FBN1: variants seen among roughly 807,000 people sequenced by gnomAD.
FBN1 encodes the protein fibrillin 1.
Under a neutral mutation model 365.1 loss-of-function variants are expected in FBN1, and 29 were observed. The observed-to-expected ratio is 0.08, with a 90% CI of 0.06 to 0.11. The LOEUF (loss-of-function observed/expected upper bound fraction) is 0.11. Among genes scored for constraint, FBN1 ranks in the 10% least tolerant of loss-of-function variants. The pLI is 1.00. For missense variants in FBN1, 2,476 were observed against 3,703.2 expected (o/e 0.67, Z 8.60); for synonymous variants, 1,210 against 1,270.5 (o/e 0.95, Z 1.01).
At chr15:48,559,598 A>G (rs2044208747) in intron 6 of FBN1, among the ~76,000 whole-genome samples, 1 of 152,146 alleles carries the variant, frequency 6.6e-6, no homozygotes, top group Non-Finnish European at 1.5e-5. Context: ...TATGTGAACT[A>G]AGGAAACAGT....
At chr15:48,596,692 GC>G (rs1484356226) in intron 5 of FBN1, among the ~76,000 whole-genome samples, 1 of 152,238 alleles carries the variant, frequency 6.6e-6, no homozygotes, top group Non-Finnish European at 1.5e-5. Context: ...CTGTGTGTTA[GC>G]AAAGACTCTT....
At position 48,597,633 on chromosome 15, in the gene FBN1, C is replaced by A. The variant is rs529771704; in HGVS notation, c.443-1255G>T. ...AATAAATTCTCTTTTATGTCTAATT[C>A]TGTCTTGATATTTTCTTGGCATAAG... is the stretch of plus-strand genomic sequence containing the variant. On this transcript the variant is annotated intron_variant, in intron 5 of 65. Transcript: ENST00000316623. Among the ~76,000 whole-genome samples the A allele has an allele frequency of 3.9e-5, 6 of 152,240 alleles. No homozygotes were observed. In the South Asian group the frequency reaches 1.0e-3, roughly 26 times the overall value.
At chr15:48,441,653 T>C (rs2043115843) in intron 50 of FBN1, 68 bp downstream of exon 50, 3 of 1,598,266 alleles carry the variant, frequency 1.9e-6, no homozygotes, top group South Asian at 1.1e-5. Context: ...CTTTGCCATG[T>C]TTGAAAAATA....
chr15:48,637,768 T>C (rs972320012), intron 2 of FBN1, among the ~76,000 whole-genome samples: 2 of 152,186 alleles, frequency 1.3e-5, no homozygotes, highest in African/African-American at 2.4e-5. Context: ...ACAAGCAAGA[T>C]CTCTGCCTTC....
chr15:48,590,404 G>C (rs1415060621), intron 6 of FBN1, among the ~76,000 whole-genome samples: 1 of 152,164 alleles, frequency 6.6e-6, no homozygotes, highest in Non-Finnish European at 1.5e-5. Context: ...CCATTCACTA[G>C]ACACAGTATA....
intron 6 of FBN1, among the ~76,000 whole-genome samples, chr15:48,565,214 T>C (rs2044251339): frequency 1.3e-5 from 2 of 152,172 alleles, no homozygotes; most frequent in South Asian, 4.1e-4. Context: ...AAGTGCATCA[T>C]ACATATTAAA....
At chr15:48,496,327 A>G (rs891438097) in intron 19 of FBN1, 102 bp from the exon 20 acceptor site, 3 of 1,487,310 alleles carry the variant, frequency 2.0e-6, no homozygotes, top group Middle Eastern at 1.8e-4. Flanking sequence ...CGACGTGATC[A>G]ATTCAAGCAA....
chr15:48,640,498 T>C (rs1038532202), intron 2 of FBN1, among the ~76,000 whole-genome samples: 2 of 152,210 alleles, frequency 1.3e-5, no homozygotes, highest in Non-Finnish European at 2.9e-5. Context: ...TTTTTCTGTA[T>C]TCCCTATTAC....
intron 6 of FBN1, among the ~76,000 whole-genome samples, chr15:48,569,183 T>C (rs2044285576): frequency 6.6e-6 from 1 of 151,984 alleles, no homozygotes; most frequent in East Asian, 1.9e-4. Flanking sequence ...AGAGTAAACA[T>C]GTTACCAAAG....
intron 2 of FBN1, among the ~76,000 whole-genome samples, chr15:48,636,788 T>C (rs1890101519): frequency 6.6e-6 from 1 of 152,182 alleles, no homozygotes; most frequent in African/African-American, 2.4e-5. Context: ...CAACTGACAT[T>C]GTGGGGCGCA....
chr15:48,498,262 T>C (rs1237746886), intron 18 of FBN1, among the ~76,000 whole-genome samples: 2 of 152,144 alleles, frequency 1.3e-5, no homozygotes, highest in Admixed American at 6.6e-5. Flanking sequence ...ACCTCTCCTC[T>C]TTCCTCCTCT....
chr15:48,559,671 G>A (rs1485149865), intron 6 of FBN1, among the ~76,000 whole-genome samples: 1 of 152,176 alleles, frequency 6.6e-6, no homozygotes, highest in African/African-American at 2.4e-5. Flanking sequence ...CAACTGCCAA[G>A]AGGTTTCTAC....
Position 48,516,341 on chromosome 15 carries a change from G to A in FBN1, c.1169C>T (p.Ser390Phe), listed in dbSNP as rs746385384. ...TCTCCCAGGAATTACCATAGGAACA[G>A]AGCACAGCTTGTTGAAATCCTCTAG... is the stretch of plus-strand genomic sequence containing the variant. ...RATEDFNKLC[S>F]VPMVIPGRPE... Residue 390 changes from serine to phenylalanine, a missense_variant, in exon 11 of 66, where the codon TCT becomes TTT. Transcript: ENST00000316623. 6.3e-5 allele frequency: 102 copies of A among 1,613,720 alleles called. No homozygotes were observed. Among genetic ancestry groups the A allele is most frequent in the Non-Finnish European group, 8.2e-5 (97 of 1,179,920 alleles).
chr15:48,617,036 TAA>T (rs1341172820), intron 2 of FBN1, among the ~76,000 whole-genome samples: 8 of 152,200 alleles, frequency 5.3e-5, no homozygotes, highest in Non-Finnish European at 7.4e-5. Context: ...AACCTTATGT[TAA>T]GTCAAAAGTG....
intron 35 of FBN1, 152 bp downstream of exon 35, chr15:48,472,399 T>A: frequency 1.3e-5 from 14 of 1,040,480 alleles, no homozygotes; most frequent in Admixed American, 1.3e-4. Context: ...GCTGGAAACC[T>A]AATCCCTCTA....
chr15:48,418,370 T>C (rs2042916877), intron 63 of FBN1, among the ~76,000 whole-genome samples: 1 of 152,200 alleles, frequency 6.6e-6, no homozygotes, highest in African/African-American at 2.4e-5. Flanking sequence ...TTCTTTTAAA[T>C]TTTATTTTAC....
intron 65 of FBN1, among the ~76,000 whole-genome samples, chr15:48,411,981 T>C (rs1479612758): frequency 6.6e-6 from 1 of 152,252 alleles, no homozygotes; most frequent in Non-Finnish European, 1.5e-5. Flanking sequence ...TATTCAATGC[T>C]TTTCACCTGG....
At chr15:48,418,362 C>G (rs1359342405) in intron 63 of FBN1, among the ~76,000 whole-genome samples, 1 of 152,152 alleles carries the variant, frequency 6.6e-6, no homozygotes, top group Non-Finnish European at 1.5e-5. Flanking sequence ...CTTTCACATT[C>G]TTTTAAATTT....
At chr15:48,579,850 T>C (rs964230811) in intron 6 of FBN1, among the ~76,000 whole-genome samples, 171 of 152,314 alleles carry the variant, frequency 1.1e-3, no homozygotes, top group Non-Finnish European at 2.2e-3. Flanking sequence ...GGTCCACAGC[T>C]TTTTAGCAAC....
Sources: allele counts gnomAD v4.1 joint callset (sites outside exome capture counted in the v4.1 genomes callset), GRCh38; gene constraint gnomAD v4.1.1; transcripts MANE v1.5; gene names NCBI Gene and HGNC (gene_info 2026-07-23, HGNC 2026-07-21).